JARID2: variants seen among roughly 807,000 people sequenced by gnomAD.
The protein encoded by JARID2 is jumonji and AT-rich interaction domain containing 2, also known as protein Jumonji.
Under a neutral mutation model 125.6 loss-of-function variants are expected in JARID2, and 21 were observed. The observed-to-expected ratio is 0.17, with a 90% CI of 0.12 to 0.24. The LOEUF (loss-of-function observed/expected upper bound fraction) is 0.24, where lower values mean the gene tolerates loss of function less well. JARID2 is among the 10% of genes least tolerant of loss of function. JARID2 has a pLI of 1.00. For missense variants in JARID2, 1,303 were observed against 1,639.6 expected (o/e 0.79, Z 3.55); for synonymous variants, 736 against 661.6 (o/e 1.11, Z -1.73).
chr6:15,517,686 C>T (rs1226583720), intron 17 of JARID2, among the ~76,000 whole-genome samples: 1 of 152,194 alleles, frequency 6.6e-6, no homozygotes, highest in Admixed American at 6.5e-5. Flanking sequence ...TCTGCGGACA[C>T]TGGGGCAGGA....
intron 1 of JARID2, among the ~76,000 whole-genome samples, chr6:15,275,235 A>G (rs1305528513): frequency 6.6e-6 from 1 of 152,180 alleles, no homozygotes; most frequent in Non-Finnish European, 1.5e-5. Context: ...TCAGTAGCAA[A>G]GACAGGAATG....
At chr6:15,464,933 G>T (rs781327528) in intron 4 of JARID2, among the ~76,000 whole-genome samples, 1 of 152,174 alleles carries the variant, frequency 6.6e-6, no homozygotes, top group Non-Finnish European at 1.5e-5. Flanking sequence ...TTCAGGGCCA[G>T]TTCCATCAGA....
chr6:15,518,143 G>GA (rs1473977895), intron 17 of JARID2, among the ~76,000 whole-genome samples: 3 of 152,272 alleles, frequency 2.0e-5, no homozygotes, highest in African/African-American at 7.2e-5. Flanking sequence ...CACCTTAGCA[G>GA]CAAATGTCCA....
chr6:15,402,721 G>C (rs1377346276), intron 2 of JARID2, among the ~76,000 whole-genome samples: 1 of 152,100 alleles, frequency 6.6e-6, no homozygotes, highest in East Asian at 1.9e-4. Flanking sequence ...CCTTGGAGGT[G>C]GTCAGTTCTG....
chr6:15,410,850 G>T (rs915124237), intron 3 of JARID2, among the ~76,000 whole-genome samples: 1 of 152,178 alleles, frequency 6.6e-6, no homozygotes, highest in Non-Finnish European at 1.5e-5. Context: ...GTTAGTAGCT[G>T]TGGAATTGGT....
chr6:15,413,320 G>C (rs1391433857), intron 3 of JARID2, among the ~76,000 whole-genome samples: 1 of 152,106 alleles, frequency 6.6e-6, no homozygotes, highest in Admixed American at 6.6e-5. Context: ...GCAGGGAAGA[G>C]CTTTTAAGAC....
intron 3 of JARID2, among the ~76,000 whole-genome samples, chr6:15,421,651 C>T (rs1280882940): frequency 6.6e-6 from 1 of 152,044 alleles, no homozygotes; most frequent in Non-Finnish European, 1.5e-5. Flanking sequence ...TTTGAAATAC[C>T]TGTTTTTAAG....
chr6:15,293,162 C>T lies in JARID2; in HGVS notation c.45+46578C>T, dbSNP rs569656674. On this transcript the variant is annotated intron_variant, in intron 1 of 17. Transcript: ENST00000341776. Reference sequence around the variant, plus strand: ...TTGACTTTGCCATGTTCCTGTGTGACGCTTATGCCAAGTTGCAGTAGTCAG... The same window carrying T: ...TTGACTTTGCCATGTTCCTGTGTGATGCTTATGCCAAGTTGCAGTAGTCAG... Among the ~76,000 whole-genome samples, 4 of 152,276 alleles carry T rather than the reference C, an allele frequency of 2.6e-5. No individual in the cohort carries two copies. In the South Asian group the frequency reaches 8.3e-4, roughly 32 times the overall value.
rs189184801 is a variant in JARID2 at position 15,509,078 on chromosome 6, T to G, written c.2846+624T>G. 4,106 of 1,289,352 alleles carry G rather than the reference T, an allele frequency of 3.2e-3. 4 individuals are homozygous for G. The highest frequency in any genetic ancestry group is 3.7e-3 in the Non-Finnish European group (3,672 of 988,860). 79.9% of individuals were successfully genotyped at this position (1,289,352 alleles called of 1,614,324 possible). A position where few individuals can be genotyped will look rare whatever the true frequency, so the allele number is the denominator to read the frequency against. ...CGCGCGTTATGTACCCTGTGGAGTC[T>G]GTTGCCTGGCGAGGTGTTCTGGGTC... On this transcript the variant is annotated intron_variant, in intron 12 of 17. Coordinates refer to ENST00000341776, the MANE Select transcript of JARID2 (RefSeq NM_004973.4).
At chr6:15,281,429 C>G (rs1760745392) in intron 1 of JARID2, among the ~76,000 whole-genome samples, 1 of 152,206 alleles carries the variant, frequency 6.6e-6, no homozygotes, top group Non-Finnish European at 1.5e-5. Context: ...CAGAAATGTT[C>G]AGAGCAAAAT....
In JARID2 at chr6:15,496,188, T is replaced by C; in HGVS notation, c.963T>C (p.Ser321=). ...CATCTCTGGGTGCAGGTGTAACCAG[T>C]GCCAAAAAGATGCGCGAGGTCAGAC... The part of the protein sequence containing the change: ...RMSSLGAGVT[S]AKKMREVRPS... Residue 321 remains serine, a synonymous_variant, in exon 7 of 18, where the codon AGT becomes AGC. Coordinates refer to ENST00000341776, the MANE Select transcript of JARID2 (RefSeq NM_004973.4). The C allele has an allele frequency of 6.2e-7, 1 of 1,614,010 alleles. No homozygotes were observed. The highest frequency in any genetic ancestry group is 8.5e-7 in the Non-Finnish European group (1 of 1,179,998).
At chr6:15,354,486 T>A (rs1763532665) in intron 1 of JARID2, among the ~76,000 whole-genome samples, 1 of 152,228 alleles carries the variant, frequency 6.6e-6, no homozygotes, top group South Asian at 2.1e-4. Context: ...GCTTTCTTTG[T>A]CCTTTGTTAA....
chr6:15,477,910 CAA>C, intron 5 of JARID2, among the ~76,000 whole-genome samples: 1 of 152,282 alleles, frequency 6.6e-6, no homozygotes, highest in South Asian at 2.1e-4. Flanking sequence ...TGAGGACTGT[CAA>C]AGAGTCAGCC....
At chr6:15,373,477 A>C (rs965124960) in intron 1 of JARID2, among the ~76,000 whole-genome samples, 1 of 152,220 alleles carries the variant, frequency 6.6e-6, no homozygotes, top group Non-Finnish European at 1.5e-5. Context: ...AAGATCCATC[A>C]TTAATGTGTA....
At chr6:15,270,937 T>C (rs1163062543) in intron 1 of JARID2, among the ~76,000 whole-genome samples, 1 of 150,320 alleles carries the variant, frequency 6.7e-6, no homozygotes, top group African/African-American at 2.5e-5. Flanking sequence ...CAAGGCTCCC[T>C]CTCAAAAAAA....
At chr6:15,416,137 G>T (rs1363464158) in intron 3 of JARID2, among the ~76,000 whole-genome samples, 4 of 151,728 alleles carry the variant, frequency 2.6e-5, no homozygotes, top group African/African-American at 9.7e-5. Flanking sequence ...GATGGCGGCC[G>T]GGAAGAGGCG....
At chr6:15,378,312 G>C (rs1764448911) in intron 2 of JARID2, among the ~76,000 whole-genome samples, 1 of 151,728 alleles carries the variant, frequency 6.6e-6, no homozygotes, top group African/African-American at 2.4e-5. Context: ...TGGTGGTAGA[G>C]TTGTAAGATT....
At chr6:15,458,902 C>G (rs1021962244) in intron 4 of JARID2, among the ~76,000 whole-genome samples, 3 of 152,164 alleles carry the variant, frequency 2.0e-5, no homozygotes, top group Non-Finnish European at 4.4e-5. Context: ...ATTCTGCATG[C>G]CCTGGGCTAG....
intron 1 of JARID2, 70 bp downstream of exon 1, chr6:15,246,654 G>C (rs746086766): frequency 2.4e-4 from 311 of 1,314,410 alleles, no homozygotes; most frequent in Non-Finnish European, 3.3e-4. Context: ...CAAGTTTATA[G>C]ATAATTCTGC....
Sources: allele counts gnomAD v4.1 joint callset (sites outside exome capture counted in the v4.1 genomes callset), GRCh38; gene constraint gnomAD v4.1.1; transcripts MANE v1.5; gene names NCBI Gene and HGNC (gene_info 2026-07-23, HGNC 2026-07-21).